CNTNAP4: variants seen among roughly 807,000 people sequenced by gnomAD.
CNTNAP4 encodes the protein contactin-associated protein-like 4.
In CNTNAP4, 98 loss-of-function variants were observed where a neutral mutation model predicts 148.4. That is an observed-to-expected ratio of 0.66 (90% CI 0.56 to 0.78). The LOEUF (loss-of-function observed/expected upper bound fraction) is 0.78. CNTNAP4 is among the 30% of genes least tolerant of loss of function. The pLI is 0.00. For missense variants in CNTNAP4, 1,935 were observed against 1,565.6 expected, an observed-to-expected ratio of 1.24 and a Z score of -3.98; for synonymous variants, 730 against 565.1, an observed-to-expected ratio of 1.29 and a Z score of -4.14.
In CNTNAP4 at chr16:76,309,589, A is replaced by G. The variant is rs1363723791; in HGVS notation, c.86-6824A>G. On this transcript the variant is annotated intron_variant, in intron 1 of 23. Coordinates refer to ENST00000611870, the MANE Select transcript of CNTNAP4 (RefSeq NM_033401.5). The stretch of plus-strand genomic sequence containing the variant: ...ATTCAGCTGGTTCTAAATTGGAAAC[A>G]TGGGCAAAAATGAGGGAAGCTGTAA... 2.6e-5 allele frequency among the ~76,000 whole-genome samples: 4 copies of G among 152,224 alleles called. No individual in the cohort carries two copies. The East Asian group carries it at 5.8e-4, about 22-fold the overall frequency.
chr16:76,504,039 T>A lies in CNTNAP4; in HGVS notation c.2365+5345T>A, dbSNP rs78756472. Among the ~76,000 whole-genome samples the A allele has an allele frequency of 3.5e-3, 539 of 152,198 alleles. 2 individuals carry two copies. Among genetic ancestry groups the A allele is most frequent in the African/African-American group, 0.012 (516 of 41,572 alleles). ...CCAAATTTATATATAGACTGAAAAC[T>A]ATCCCAATTAAAATCCAGCAATCTC... is the stretch of plus-strand genomic sequence containing the variant. On this transcript the variant is annotated intron_variant, in intron 15 of 23. Transcript: ENST00000611870.
At chr16:76,335,296 A>G (rs1963923426) in intron 2 of CNTNAP4, among the ~76,000 whole-genome samples, 2 of 152,160 alleles carry the variant, frequency 1.3e-5, no homozygotes, top group African/African-American at 2.4e-5. Context: ...GATGATGTAG[A>G]AATAGACACA....
chr16:76,437,499 C>T (rs1413804149), intron 4 of CNTNAP4, among the ~76,000 whole-genome samples: 2 of 151,970 alleles, frequency 1.3e-5, no homozygotes, highest in African/African-American at 4.8e-5. Flanking sequence ...CTCTCACTGA[C>T]CAAAAGTGAA....
In CNTNAP4 at chr16:76,532,221, C is replaced by A. The variant is rs558877456; in HGVS notation, c.2756-3324C>A. Reference sequence around the variant, plus strand: ...AGATGAGCTGATGCATACAAGAAAACGGATAAGTCTTCTTTTACCAGATAG... The same window carrying A: ...AGATGAGCTGATGCATACAAGAAAAAGGATAAGTCTTCTTTTACCAGATAG... On this transcript the variant is annotated intron_variant, in intron 17 of 23. Coordinates refer to ENST00000611870, the MANE Select transcript of CNTNAP4 (RefSeq NM_033401.5). Among the ~76,000 whole-genome samples the A allele has an allele frequency of 2.6e-5, 4 of 152,280 alleles. No individual in the cohort carries two copies. The East Asian group carries it at 5.8e-4, about 22-fold the overall frequency.
At chr16:76,463,822 A>G (rs2081075569) in intron 9 of CNTNAP4, among the ~76,000 whole-genome samples, 1 of 152,150 alleles carries the variant, frequency 6.6e-6, no homozygotes. Flanking sequence ...CTTCATGTGT[A>G]TTATAATTTT....
At chr16:76,363,514 A>G (rs1311085277) in intron 3 of CNTNAP4, among the ~76,000 whole-genome samples, 2 of 152,188 alleles carry the variant, frequency 1.3e-5, no homozygotes, top group Non-Finnish European at 2.9e-5. Context: ...AAAGACTTAA[A>G]TGGAAAACCT....
At chr16:76,441,569 A>G (rs1463274269) in intron 4 of CNTNAP4, among the ~76,000 whole-genome samples, 1 of 152,148 alleles carries the variant, frequency 6.6e-6, no homozygotes, top group Non-Finnish European at 1.5e-5. Flanking sequence ...GTCACCAGCA[A>G]TTGCTGTGGT....
intron 17 of CNTNAP4, among the ~76,000 whole-genome samples, chr16:76,522,644 T>C (rs1322307001): frequency 0.032 from 4,535 of 142,456 alleles, 581 homozygotes; most frequent in Middle Eastern, 0.05. Flanking sequence ...CTTCTTTCTT[T>C]CTTTTCTCTC....
In CNTNAP4 at chr16:76,479,452, A is replaced by C. The variant is rs1012062627; in HGVS notation, c.1796A>C (p.His599Pro). Residue 599 changes from histidine (H) to proline (P), a missense_variant, in exon 12 of 24, where the codon CAC (histidine) becomes CCC (proline). Transcript: ENST00000611870. Reference protein sequence around the residue: ...IYEQSCEAYKHRGNTSGFYYI... With the variant: ...IYEQSCEAYKPRGNTSGFYYI... Reference sequence around the variant, plus strand: ...GAGCAGTCATGTGAAGCCTATAAGCACAGAGGAAATACTTCAGGGTTTTAC... The same window carrying C: ...GAGCAGTCATGTGAAGCCTATAAGCCCAGAGGAAATACTTCAGGGTTTTAC... 3 of 1,610,912 alleles carry C rather than the reference A, an allele frequency of 1.9e-6. No homozygotes were observed. Among genetic ancestry groups the C allele is most frequent in the Non-Finnish European group, 2.5e-6 (3 of 1,178,630 alleles).
intron 19 of CNTNAP4, among the ~76,000 whole-genome samples, chr16:76,539,176 A>C (rs2084345620): frequency 6.6e-6 from 1 of 152,086 alleles, no homozygotes; most frequent in African/African-American, 2.4e-5. Flanking sequence ...CTCTGCAGGC[A>C]ATTAAATGAG....
At chr16:76,538,617 G>T (rs927560612) in intron 19 of CNTNAP4, among the ~76,000 whole-genome samples, 1 of 151,832 alleles carries the variant, frequency 6.6e-6, no homozygotes, top group Non-Finnish European at 1.5e-5. Flanking sequence ...ATTGTTAGAA[G>T]CTCCTTGACT....
intron 2 of CNTNAP4, among the ~76,000 whole-genome samples, chr16:76,342,186 C>T (rs1345490025): frequency 1.3e-5 from 2 of 152,088 alleles, no homozygotes; most frequent in African/African-American, 4.8e-5. Flanking sequence ...ATATAATGCC[C>T]CTGGCTGTCA....
At chr16:76,314,798 C>T (rs1961528431) in intron 1 of CNTNAP4, among the ~76,000 whole-genome samples, 2 of 152,126 alleles carry the variant, frequency 1.3e-5, no homozygotes, top group Admixed American at 6.5e-5. Context: ...TCTGAGACCA[C>T]CTATCCCCAA....
chr16:76,437,565 T>C (rs927585088), intron 4 of CNTNAP4, among the ~76,000 whole-genome samples: 2 of 152,094 alleles, frequency 1.3e-5, no homozygotes, highest in African/African-American at 4.8e-5. Context: ...AAATTAAGTA[T>C]GTTTGAATGA....
chr16:76,338,817 GA>G (rs918190243), intron 2 of CNTNAP4, among the ~76,000 whole-genome samples: 9 of 152,008 alleles, frequency 5.9e-5, no homozygotes, highest in South Asian at 2.1e-4. Flanking sequence ...TTAAGGTGGG[GA>G]AAAAAAATTT....
chr16:76,320,935 A>T (rs577982958), intron 2 of CNTNAP4, among the ~76,000 whole-genome samples: 1 of 152,350 alleles, frequency 6.6e-6, no homozygotes, highest in South Asian at 2.1e-4. Context: ...AGAAAAATAC[A>T]TATGTACACC....
At position 76,452,779 on chromosome 16, in the gene CNTNAP4, G is replaced by A. The variant is rs372308727; in HGVS notation, c.1333+10G>A. 5.8e-6 allele frequency: 9 copies of A among 1,543,908 alleles called. No individual in the cohort carries two copies. The African/African-American group carries it at 1.2e-4, about 21-fold the overall frequency. ...AGTGACATCACAGCAGGTAATAAAT[G>A]TATTCCCTGGGGCAAAGCATATGGA... On this transcript the variant is annotated intron_variant, in intron 8 of 23. Transcript: ENST00000611870.
At chr16:76,320,276 A>C (rs1962268145) in intron 2 of CNTNAP4, among the ~76,000 whole-genome samples, 1 of 152,194 alleles carries the variant, frequency 6.6e-6, no homozygotes, top group African/African-American at 2.4e-5. Flanking sequence ...TTACCTGAGG[A>C]GCTTTCCAAG....
chr16:76,407,133 C>G (rs1413477792), intron 3 of CNTNAP4, among the ~76,000 whole-genome samples: 1 of 152,058 alleles, frequency 6.6e-6, no homozygotes, highest in Non-Finnish European at 1.5e-5. Flanking sequence ...TTCTGAAAAT[C>G]CTAGGACACG....
Sources: allele counts gnomAD v4.1 joint callset (sites outside exome capture counted in the v4.1 genomes callset), GRCh38; gene constraint gnomAD v4.1.1; transcripts MANE v1.5; gene names NCBI Gene and HGNC (gene_info 2026-07-23, HGNC 2026-07-21).